Variants in MIEN1 observed in about 807,000 individuals in gnomAD.
MIEN1 encodes the protein migration and invasion enhancer 1, also known as HBV X-transactivated gene 4 protein.
In MIEN1, 12 loss-of-function variants were observed where a neutral mutation model predicts 15.5. The observed-to-expected ratio is 0.78, with a 90% CI of 0.50 to 1.26. MIEN1 has a LOEUF of 1.26. Among genes scored for constraint, MIEN1 ranks in the 50% most tolerant of loss-of-function variants. The pLI, the probability that MIEN1 is intolerant of heterozygous loss-of-function variation, is 0.00. For synonymous variants in MIEN1, 63 were observed against 62.8 expected (o/e 1.00, Z -0.02); for missense variants, 160 against 151.7 (o/e 1.05, Z -0.29).
chr17:39,730,163 A>G, intron 2 of MIEN1, 31 bp downstream of exon 2: 3 of 1,570,342 alleles, frequency 1.9e-6, no homozygotes, highest in South Asian at 1.1e-5. Flanking sequence ...CAGAGCACAG[A>G]CTGACCCAGC....
intron 2 of MIEN1, 184 bp downstream of exon 2, chr17:39,730,010 T>C (rs1332746896): frequency 1.4e-6 from 1 of 711,912 alleles, no homozygotes; most frequent in South Asian, 1.8e-5. Context: ...GTCTAATAGG[T>C]TTTTCCCCAC....
At chr17:39,730,126 G>C in intron 2 of MIEN1, 68 bp downstream of exon 2, 13 of 1,446,004 alleles carry the variant, frequency 9.0e-6, no homozygotes, top group Non-Finnish European at 1.2e-5. Context: ...GCCAATGTCA[G>C]AACTAGAAAG....
At position 39,729,575 on chromosome 17, in the gene MIEN1, C is replaced by T. The variant is rs775039931; in HGVS notation, c.295G>A (p.Gly99Arg). 6.2e-7 allele frequency: 1 copy of T among 1,614,082 alleles called. No individual in the cohort carries two copies. Among genetic ancestry groups the T allele is most frequent in the Non-Finnish European group, 8.5e-7 (1 of 1,180,024 alleles). Residue 99 changes from glycine to arginine, a missense_variant, in exon 4 of 4, where the codon GGA (glycine) becomes AGA (arginine). By Grantham distance (125) the Gly-to-Arg change is moderately radical (BLOSUM62 -2). Transcript: ENST00000394231. ...LIEAIRRASN[G>R]ETLEKITNSR... The stretch of plus-strand genomic sequence containing the variant: ...TTGGTGATCTTTTCTAGGGTTTCTC[C>T]ATTACTGGCTCTTCGGATGGCCTCA...
In MIEN1 at chr17:39,730,105, T is replaced by A. The variant is rs1017951870; in HGVS notation, c.187+89A>T. 4 of 1,277,260 alleles carry A rather than the reference T, an allele frequency of 3.1e-6. No individual in the cohort carries two copies. In the African/African-American group the frequency reaches 5.9e-5, roughly 19 times the overall value. 79.1% of individuals were successfully genotyped at this position (1,277,260 alleles called of 1,614,324 possible). A position where few individuals can be genotyped will look rare whatever the true frequency, so the allele number is the denominator to read the frequency against. ...CATGTGCCAGGCACTGCGGGCACTT[T>A]ACATAAAGCAGCCAATGTCAGAACT... On this transcript the variant is annotated intron_variant, in intron 2 of 3. Transcript: ENST00000394231.
chr17:39,730,061 T>C, intron 2 of MIEN1, 133 bp downstream of exon 2: 2 of 889,086 alleles, frequency 2.2e-6, no homozygotes, highest in South Asian at 3.2e-5. Context: ...AGGGAACTCA[T>C]GTTGGCCGGA....
chr17:39,728,786 T>C lies in MIEN1; in HGVS notation c.*736A>G, dbSNP rs1055273301. ...GAAAGCTTGGATGAGGAGCCAGACA[T>C]CCAGTTCTCCAGCTTCAGGGTTGGG... On this transcript the variant is annotated 3_prime_UTR_variant, in exon 4 of 4. Transcript: ENST00000394231. 22 of 210,396 alleles carry C rather than the reference T, an allele frequency of 1.0e-4. No homozygotes were observed. Among genetic ancestry groups the C allele is most frequent in the African/African-American group, 4.8e-4 (21 of 44,004 alleles). 13.0% of individuals were successfully genotyped at this position (210,396 alleles called of 1,614,324 possible). A position where few individuals can be genotyped will look rare whatever the true frequency, so the allele number is the denominator to read the frequency against.
chr17:39,729,626 G>A lies in MIEN1; in HGVS notation c.265-21C>T, dbSNP rs780432570. Reference sequence around the variant, plus strand: ...ATGAGCTAGAGGAGTGGAATGACAGGATGATGCACTGTTGGGGTAGGGTGA... The same window carrying A: ...ATGAGCTAGAGGAGTGGAATGACAGAATGATGCACTGTTGGGGTAGGGTGA... On this transcript the variant is annotated intron_variant, in intron 3 of 3. Coordinates refer to ENST00000394231, the MANE Select transcript of MIEN1 (RefSeq NM_032339.5). 5 of 1,614,116 alleles carry A rather than the reference G, an allele frequency of 3.1e-6. No homozygotes were observed. In the East Asian group the frequency reaches 8.9e-5, roughly 29 times the overall value.
chr17:39,730,039 C>T, intron 2 of MIEN1, 155 bp downstream of exon 2: 1 of 782,410 alleles, frequency 1.3e-6, no homozygotes, highest in Non-Finnish European at 2.1e-6. Flanking sequence ...GTGACACCCC[C>T]TGACCTATGG....
In MIEN1 at chr17:39,730,399, C is replaced by T. The variant is rs770418138; in HGVS notation, c.89+8G>A. 4.5e-6 allele frequency: 7 copies of T among 1,552,830 alleles called. No homozygotes were observed. The East Asian group carries it at 1.7e-4, about 38-fold the overall frequency. The stretch of plus-strand genomic sequence containing the variant: ...CAGGGTGCGGGTCCTCCAGCCGGGG[C>T]CGCTCACCAGTACTCCACCACGATG... On this transcript the variant is annotated splice_region_variant and intron_variant, in intron 1 of 3. Coordinates refer to ENST00000394231, the MANE Select transcript of MIEN1 (RefSeq NM_032339.5).
chr17:39,729,954 A>G, intron 2 of MIEN1, 193 bp from the exon 3 acceptor site: 2 of 730,966 alleles, frequency 2.7e-6, no homozygotes, highest in Non-Finnish European at 4.5e-6. Context: ...TGCCCCTCGC[A>G]ACACTCAATA....
rs373612379 is a variant in MIEN1 at position 39,729,475 on chromosome 17, C to G, written c.*47G>C. On this transcript the variant is annotated 3_prime_UTR_variant, in exon 4 of 4. Coordinates refer to ENST00000394231, the MANE Select transcript of MIEN1 (RefSeq NM_032339.5). ...GCTCCCAGCAGGACCAAAGGGAGACCAAGGTTTGGACCCCAGAACAGAGCA... is the reference window on the plus strand; with the variant it reads ...GCTCCCAGCAGGACCAAAGGGAGACGAAGGTTTGGACCCCAGAACAGAGCA... 5.6e-6 allele frequency: 9 copies of G among 1,611,406 alleles called. No homozygotes were observed. In the African/African-American group the frequency reaches 1.2e-4, roughly 22 times the overall value.
Position 39,730,198 on chromosome 17 carries a change from GC to G in MIEN1, c.182del (p.Gly61AlafsTer7). ...CAGGTGTTCTGCGAGCCTCACCTGT[GC>G]CCCCGAGGCGCGACTCGATCTCGAT... Reference protein sequence around the residue: ...PGIEIESRLGGTGAFEIEING... With the variant: ...PGIEIESRLGXTGAFEIEING... On this transcript the variant is annotated frameshift_variant, in exon 2 of 4. Transcript: ENST00000394231. LOFTEE classifies it high-confidence loss of function. The G allele has an allele frequency of 1.9e-6, 3 of 1,603,778 alleles. No individual in the cohort carries two copies. Among genetic ancestry groups the G allele is most frequent in the Admixed American group, 1.7e-5 (1 of 59,392 alleles).
rs775236358 is a variant in MIEN1 at position 39,728,876 on chromosome 17, C to T, written c.*646G>A. On this transcript the variant is annotated 3_prime_UTR_variant, in exon 4 of 4. Coordinates refer to ENST00000394231, the MANE Select transcript of MIEN1 (RefSeq NM_032339.5). ...ACGACCAGATCATTCTTATTTAGAA[C>T]GAACTAATTCCTAAGGCCACTCACC... The T allele has an allele frequency of 1.1e-4, 20 of 187,240 alleles. No individual in the cohort carries two copies. Among genetic ancestry groups the T allele is most frequent in the Non-Finnish European group, 1.8e-4 (16 of 88,970 alleles). The allele number at this position is 187,240 out of a possible 1,614,324, so 11.6% of individuals were successfully genotyped here.
chr17:39,729,832 TC>T, intron 2 of MIEN1, 71 bp from the exon 3 acceptor site: 4 of 1,590,062 alleles, frequency 2.5e-6, no homozygotes, highest in East Asian at 4.5e-5. Flanking sequence ...TCCAAAGGGG[TC>T]CCCCGCCTTC....
chr17:39,729,730 C>G lies in MIEN1; in HGVS notation c.219G>C (p.Leu73=). 6.2e-7 allele frequency: 1 copy of G among 1,614,076 alleles called. No homozygotes were observed. Among genetic ancestry groups the G allele is most frequent in the Non-Finnish European group, 8.5e-7 (1 of 1,179,942 alleles). The change falls in exon 3 of 4, where the codon CTG becomes CTC. Residue 73 remains leucine, a synonymous_variant. Transcript: ENST00000394231. ...CCCCATTCTCCAGCTTGGAGAACAC[C>G]AGCTGTCCATTTATCTCTATCTCAA... is the stretch of plus-strand genomic sequence containing the variant. The part of the protein sequence containing the change: ...GAFEIEINGQ[L]VFSKLENGGF...
chr17:39,730,205 A>G lies in MIEN1; in HGVS notation c.176T>C (p.Leu59Pro). The change falls in exon 2 of 4, where the codon CTC becomes CCC. Residue 59 changes from leucine to proline, a missense_variant. Coordinates refer to ENST00000394231, the MANE Select transcript of MIEN1 (RefSeq NM_032339.5). ...QYPGIEIESR[L>P]GGTGAFEIEI... ...TCTGCGAGCCTCACCTGTGCCCCCG[A>G]GGCGCGACTCGATCTCGATGCCCGG... The G allele has an allele frequency of 6.2e-7, 1 of 1,605,788 alleles. No individual in the cohort carries two copies. The highest frequency in any genetic ancestry group is 8.5e-7 in the Non-Finnish European group (1 of 1,178,830).
rs1349507769 is a variant in MIEN1, at chr17:39,730,225, G to A, written c.156C>T (p.Gly52=). 1 of 1,608,116 alleles carries A rather than the reference G, an allele frequency of 6.2e-7. No individual in the cohort carries two copies. The highest frequency in any genetic ancestry group is 1.1e-5 in the South Asian group (1 of 90,706). Residue 52 remains glycine, a synonymous_variant, in exon 2 of 4, where the codon GGC becomes GGT. Coordinates refer to ENST00000394231, the MANE Select transcript of MIEN1 (RefSeq NM_032339.5). ...CCCCGAGGCGCGACTCGATCTCGATGCCCGGATACTGCTCCTTCACAGCAC... is the reference window on the plus strand; with the variant it reads ...CCCCGAGGCGCGACTCGATCTCGATACCCGGATACTGCTCCTTCACAGCAC... ...LASAVKEQYP[G]IEIESRLGGT... is the part of the protein sequence containing the mutation.
chr17:39,730,241 T>C lies in MIEN1; in HGVS notation c.140A>G (p.Lys47Arg). Residue 47 changes from lysine (K) to arginine (R), a missense_variant, in exon 2 of 4, where the codon AAG becomes AGG. By Grantham distance (26) the Lys-to-Arg change is conservative. Transcript: ENST00000394231. ...ATYLELASAV[K>R]EQYPGIEIES... ...GATCTCGATGCCCGGATACTGCTCC[T>C]TCACAGCACTGGCCAGCTCCAGGTA... 1.2e-6 allele frequency: 2 copies of C among 1,609,178 alleles called. No homozygotes were observed. Among genetic ancestry groups the C allele is most frequent in the Non-Finnish European group, 1.7e-6 (2 of 1,179,620 alleles).
In MIEN1 at chr17:39,728,985, C is replaced by T. The variant is rs1319724487; in HGVS notation, c.*537G>A. ...ACGAGGCAGGGTCTACTGTGGGACTCATTTTCCTTGCCTTGGCTATGCCAG... is the reference window on the plus strand; with the variant it reads ...ACGAGGCAGGGTCTACTGTGGGACTTATTTTCCTTGCCTTGGCTATGCCAG... On this transcript the variant is annotated 3_prime_UTR_variant, in exon 4 of 4. Coordinates refer to ENST00000394231, the MANE Select transcript of MIEN1 (RefSeq NM_032339.5). 1.2e-5 allele frequency: 2 copies of T among 170,412 alleles called. No homozygotes were observed. Among genetic ancestry groups the T allele is most frequent in the African/African-American group, 2.4e-5 (1 of 41,852 alleles). 10.6% of individuals were successfully genotyped at this position (170,412 alleles called of 1,614,324 possible). A position where few individuals can be genotyped will look rare whatever the true frequency, so the allele number is the denominator to read the frequency against.
Sources: allele counts gnomAD v4.1 joint callset, GRCh38; gene constraint gnomAD v4.1.1; transcripts MANE v1.5; gene names NCBI Gene and HGNC (gene_info 2026-07-23, HGNC 2026-07-21).